The following SNX20 variants were observed in gnomAD, a reference collection of about 807,000 sequenced individuals.
The protein encoded by SNX20 is sorting nexin 20.
SNX20 carries 21 observed loss-of-function variants against 24.5 expected under a neutral mutation model. The observed-to-expected ratio is 0.86, with a 90% CI of 0.61 to 1.23. The LOEUF is 1.23. SNX20 is among the 50% of genes most tolerant of loss of function. The pLI, the probability that SNX20 is intolerant of heterozygous loss-of-function variation, is 0.00. For missense variants in SNX20, 433 were observed against 430.8 expected (o/e 1.00, Z -0.04); for synonymous variants, 206 against 192.8 (o/e 1.07, Z -0.57).
chr16:50,673,424 C>A lies in SNX20; in HGVS notation c.933G>T (p.Val311=). The part of the protein sequence containing the change: ...PRGITLKELT[V]REYLH ...GGCCGGCTCAGTGCAGGTATTCTCG[C>A]ACAGTGAGCTCCTTCAGGGTGATGC... The change falls in exon 4 of 4, where the codon GTG becomes GTT. Residue 311 remains valine, a synonymous_variant. Transcript: ENST00000330943. This position sits in a 1 kb window ranked among gnomAD's most constrained non-coding sequence, Gnocchi z 4.1. The A allele has an allele frequency of 9.6e-6, 15 of 1,564,898 alleles. No homozygotes were observed. Among genetic ancestry groups the A allele is most frequent in the Non-Finnish European group, 1.3e-5 (15 of 1,154,726 alleles).
Position 50,675,820 on chromosome 16 carries a change from A to G in SNX20, c.232T>C (p.Phe78Leu), listed in dbSNP as rs1963168095. 3 of 1,613,588 alleles carry G rather than the reference A, an allele frequency of 1.9e-6. No homozygotes were observed. The highest frequency in any genetic ancestry group is 2.5e-6 in the Non-Finnish European group (3 of 1,179,828). Residue 78 changes from phenylalanine to leucine, a missense_variant, in exon 3 of 4, where the codon TTT becomes CTT. Transcript: ENST00000330943. ...TCGATGCGAGCTGAAGCGATCTCAA[A>G]GAGCAGTTTGACGTGCTTCCAGCGG... ...KCRWKHVKLLFEIASARIEER... is the reference protein window; with the variant it reads ...KCRWKHVKLLLEIASARIEER...
At chr16:50,668,478 T>C, downstream of SNX20, 1 of 864,896 alleles carries the variant, frequency 1.2e-6, no homozygotes, top group South Asian at 4.1e-5. Flanking sequence ...TTTCTAATTA[T>C]AGCAAGTGAT....
chr16:50,668,573 C>A, downstream of SNX20: 1 of 1,014,640 alleles, frequency 9.9e-7, no homozygotes, highest in Non-Finnish European at 1.2e-6. Context: ...CAAAGGAAAA[C>A]AGCTGGTGAT....
At position 50,673,919 on chromosome 16, in the gene SNX20, A is replaced by G. The variant is rs1963120400; in HGVS notation, c.438T>C (p.Thr146=). The G allele has an allele frequency of 9.9e-6, 16 of 1,612,216 alleles. No individual in the cohort carries two copies. In the East Asian group the frequency reaches 3.6e-4, roughly 36 times the overall value. Residue 146 remains threonine, a synonymous_variant, in exon 4 of 4, where the codon ACT becomes ACC. Transcript: ENST00000330943. The surrounding 1 kb of genome is among the most constrained non-coding windows in gnomAD (Gnocchi z 4.1). ...AGATCATCTCCTCAGCGAAGTTCCC[A>G]GTCAGGTGCTTCCTGGGAAACTCCA... The part of the protein sequence containing the change: ...EDVEFPRKHL[T]GNFAEEMICE...
In SNX20 at chr16:50,672,321, C is replaced by G. The variant is rs1252310596; in HGVS notation, c.*1085G>C. ...TAACCCAGGGAAGCCATTCAGGGAA[C>G]AGCTGCCTTATGAATGAAAATCCAC... On this transcript the variant is annotated 3_prime_UTR_variant, in exon 4 of 4. Transcript: ENST00000330943. 6.6e-6 allele frequency: 1 copy of G among 152,236 alleles called. No homozygotes were observed. The highest frequency in any genetic ancestry group is 6.5e-5 in the Admixed American group (1 of 15,278). 9.4% of individuals were successfully genotyped at this position (152,236 alleles called of 1,614,324 possible). A position where few individuals can be genotyped will look rare whatever the true frequency, so the allele number is the denominator to read the frequency against.
At position 50,675,760 on chromosome 16, in the gene SNX20, C is replaced by G. The variant is rs569516472; in HGVS notation, c.282+10G>C. The G allele has an allele frequency of 4.3e-6, 7 of 1,611,766 alleles. No individual in the cohort carries two copies. The highest frequency in any genetic ancestry group is 2.7e-5 in the African/African-American group (2 of 74,802). ...GAAAGAGGCTCCACCATTTCCCAAT[C>G]TCTGCTTACCACAAACTTAGAGACT... On this transcript the variant is annotated intron_variant, in intron 3 of 3. Coordinates refer to ENST00000330943, the MANE Select transcript of SNX20 (RefSeq NM_182854.4).
chr16:50,668,347 T>C (rs1395918276), downstream of SNX20: 2 of 1,168,030 alleles, frequency 1.7e-6, no homozygotes, highest in Non-Finnish European at 2.2e-6. Context: ...TCTCTGTCTC[T>C]GTCTCTCTCT....
chr16:50,674,270 G>C (rs1485414101), intron 3 of SNX20, among the ~76,000 whole-genome samples, 196 bp from the exon 4 acceptor site: 6 of 145,066 alleles, frequency 4.1e-5, no homozygotes, highest in African/African-American at 1.6e-4. Context: ...TATTTTTAGA[G>C]ACAGGGTCTC....
chr16:50,670,216 G>C (rs950074995), downstream of SNX20: 8 of 152,498 alleles, frequency 5.2e-5, no homozygotes, highest in African/African-American at 1.9e-4. Flanking sequence ...CGGGTGGAGA[G>C]AAGAGAAGGA....
Position 50,673,535 on chromosome 16 carries a change from G to A in SNX20, c.822C>T (p.Val274=). 6.2e-7 allele frequency: 1 copy of A among 1,609,658 alleles called. No individual in the cohort carries two copies. Among genetic ancestry groups the A allele is most frequent in the South Asian group, 1.1e-5 (1 of 90,824 alleles). The part of the protein sequence containing the change: ...RYYAPLLDAM[V]RLAYALGKDF... ...CCTTGCCCAGCGCGTAGGCCAGGCG[G>A]ACCATGGCGTCCAGCAGAGGCGCAT... The change falls in exon 4 of 4, where the codon GTC becomes GTT. Residue 274 remains valine (V), a synonymous_variant. Transcript: ENST00000330943. This position sits in a 1 kb window ranked among gnomAD's most constrained non-coding sequence, Gnocchi z 4.1.
At chr16:50,668,804 T>C, downstream of SNX20, 2 of 1,263,668 alleles carry the variant, frequency 1.6e-6, no homozygotes, top group Non-Finnish European at 2.0e-6. Context: ...GTTTTGCCAC[T>C]CCAAAACAGA....
rs774752288 is a variant in SNX20, at chr16:50,673,437, T to G, written c.920A>C (p.Lys307Thr). 113 of 1,587,948 alleles carry G rather than the reference T, an allele frequency of 7.1e-5. No individual in the cohort carries two copies. Among genetic ancestry groups the G allele is most frequent in the Non-Finnish European group, 8.7e-5 (102 of 1,168,024 alleles). Residue 307 changes from lysine to threonine, a missense_variant, in exon 4 of 4, where the codon AAG becomes ACG. By Grantham distance (78) the Lys-to-Thr change is moderately conservative. Coordinates refer to ENST00000330943, the MANE Select transcript of SNX20 (RefSeq NM_182854.4). The surrounding 1 kb of genome is among the most constrained non-coding windows in gnomAD (Gnocchi z 4.1). ...CAGGTATTCTCGCACAGTGAGCTCCTTCAGGGTGATGCCTCGGGGCGTGGG... is the reference window on the plus strand; with the variant it reads ...CAGGTATTCTCGCACAGTGAGCTCCGTCAGGGTGATGCCTCGGGGCGTGGG... The part of the protein sequence containing the change: ...RRPTPRGITL[K>T]ELTVREYLH
chr16:50,668,704 G>T (rs1371651370), downstream of SNX20: 1 of 1,070,870 alleles, frequency 9.3e-7, no homozygotes, highest in Non-Finnish European at 1.1e-6. Flanking sequence ...ATTTGGAGAC[G>T]TGGCTGGGCA....
intron 1 of SNX20, among the ~76,000 whole-genome samples, chr16:50,679,455 A>G (rs1290061825): frequency 6.6e-6 from 1 of 152,192 alleles, no homozygotes; most frequent in Non-Finnish European, 1.5e-5. Flanking sequence ...ACAGCCATCC[A>G]GTGGGCGGCC....
chr16:50,677,678 TC>T, intron 1 of SNX20, 143 bp from the exon 2 acceptor site: 1 of 927,388 alleles, frequency 1.1e-6, no homozygotes, highest in Non-Finnish European at 1.5e-6. Flanking sequence ...TTCCCCACTC[TC>T]CCAGCTGCCA....
At chr16:50,667,424 C>A (rs957058991), downstream of SNX20, 2 of 154,472 alleles carry the variant, frequency 1.3e-5, no homozygotes, top group African/African-American at 4.8e-5. Flanking sequence ...TTGAACAGCG[C>A]CCCCTCTGAG....
chr16:50,668,046 G>A (rs79124041), downstream of SNX20: 46,307 of 1,551,678 alleles, frequency 0.03, 833 homozygotes, highest in Non-Finnish European at 0.034. Context: ...CGGAGCCTAC[G>A]GGTTGAAAGC....
At position 50,671,657 on chromosome 16, in the gene SNX20, C is replaced by T. The variant is rs1309505220; in HGVS notation, c.*1749G>A. The T allele has an allele frequency of 6.6e-6, 1 of 152,162 alleles. No homozygotes were observed. Among genetic ancestry groups the T allele is most frequent in the Non-Finnish European group, 1.5e-5 (1 of 68,024 alleles). The allele number at this position is 152,162 out of a possible 1,614,324, so 9.4% of individuals were successfully genotyped here. Reference sequence around the variant, plus strand: ...CATCATTACAAATAGACTCATAGCTCTTTAATTTTTCCATTTAACACTTTA... The same window carrying T: ...CATCATTACAAATAGACTCATAGCTTTTTAATTTTTCCATTTAACACTTTA... On this transcript the variant is annotated 3_prime_UTR_variant, in exon 4 of 4. Transcript: ENST00000330943.
chr16:50,676,530 T>C (rs1963186434), intron 2 of SNX20, among the ~76,000 whole-genome samples: 2 of 152,126 alleles, frequency 1.3e-5, no homozygotes, highest in South Asian at 4.1e-4. Context: ...CCTGCGCCAC[T>C]CTGAGGTTCT....
Sources: gnomAD v4.1 joint callset for allele counts (sites outside exome capture counted in the v4.1 genomes callset) on GRCh38, gnomAD v4.1.1 for gene constraint, Gnocchi (gnomAD v3.1) non-coding constraint, MANE v1.5 for transcripts, NCBI Gene and HGNC (gene_info 2026-07-23, HGNC 2026-07-21) for gene names.